CTDSP1: variants seen among roughly 807,000 people sequenced by gnomAD.
CTDSP1 encodes the protein CTD small phosphatase 1, also known as carboxy-terminal domain RNA polymerase II polypeptide A small phosphatase 1.
In CTDSP1, 15 loss-of-function variants were observed where a neutral mutation model predicts 32.5. The ratio of observed to expected loss-of-function variants is 0.46; its 90% confidence interval spans 0.31 to 0.71. The LOEUF (loss-of-function observed/expected upper bound fraction) is 0.71. CTDSP1 is among the 30% of genes least tolerant of loss of function. The pLI is 0.05. For missense variants in CTDSP1, 294 were observed against 351.1 expected (o/e 0.84, Z 1.30); for synonymous variants, 185 against 145.4 (o/e 1.27, Z -1.96).
At position 218,402,156 on chromosome 2, in the gene CTDSP1, T is replaced by A; in HGVS notation, c.262T>A (p.Ser88Thr). ...GCTCCCTGAGGCCAAGGCCCAGGACTCAGACAAGATCTGCGTGGTCATCGA... is the reference window on the plus strand; with the variant it reads ...GCTCCCTGAGGCCAAGGCCCAGGACACAGACAAGATCTGCGTGGTCATCGA... ...YLLPEAKAQD[S>T]DKICVVIDLD... Residue 88 changes from serine to threonine, a missense_variant, in exon 3 of 7, where the codon TCA becomes ACA. Coordinates refer to ENST00000273062, the MANE Select transcript of CTDSP1 (RefSeq NM_021198.3). The A allele has an allele frequency of 6.2e-7, 1 of 1,613,444 alleles. No homozygotes were observed. The highest frequency in any genetic ancestry group is 8.5e-7 in the Non-Finnish European group (1 of 1,179,826).
At chr2:218,400,958 G>C (rs1046904481) in intron 1 of CTDSP1, 1 of 440,920 alleles carries the variant, frequency 2.3e-6, no homozygotes, top group African/African-American at 2.1e-5. Flanking sequence ...GGAAAGGCTA[G>C]TTGCAGGGGG....
chr2:218,399,802 C>A, upstream of CTDSP1: 1 of 1,128,942 alleles, frequency 8.9e-7, no homozygotes, highest in Non-Finnish European at 1.1e-6. Flanking sequence ...CAGCCGAGTC[C>A]AGGTCACGCC....
chr2:218,404,383 C>A lies in CTDSP1; in HGVS notation c.744C>A (p.Asp248Glu). 1.2e-6 allele frequency: 2 copies of A among 1,614,124 alleles called. No individual in the cohort carries two copies. Among genetic ancestry groups the A allele is most frequent in the Non-Finnish European group, 1.7e-6 (2 of 1,180,002 alleles). ...TCTTCGAGCAACTCAGCCGTGTGGA[C>A]GACGTGTACTCAGTGCTCAGGCAGC... The part of the protein sequence containing the change: ...LPFFEQLSRV[D>E]DVYSVLRQPR... The change falls in exon 7 of 7, where the codon GAC becomes GAA. Residue 248 changes from aspartate (D) to glutamate (E), a missense_variant. Asp to Glu is a conservative substitution (Grantham distance 45). Around this residue, in one of 2 missense-constraint regions of CTDSP1, gnomAD observed 146 missense variants for 237.7 expected, o/e 0.61. Transcript: ENST00000273062.
chr2:218,398,766 T>C (rs1380725418), upstream of CTDSP1: 5 of 251,162 alleles, frequency 2.0e-5, no homozygotes, highest in East Asian at 3.8e-4. Context: ...TATTAATTTT[T>C]AAATGGTGAA....
At chr2:218,401,859 C>G (rs1190827815) in intron 2 of CTDSP1, 147 bp downstream of exon 2, 1 of 819,996 alleles carries the variant, frequency 1.2e-6, no homozygotes, top group African/African-American at 1.7e-5. Flanking sequence ...CCTGCCAGGC[C>G]CTGCCCACTG....
upstream of CTDSP1, among the ~76,000 whole-genome samples, chr2:218,397,774 T>C (rs3806554): frequency 7.4e-4 from 113 of 152,254 alleles, 3 homozygotes; most frequent in East Asian, 0.019. Flanking sequence ...CACGCAATCC[T>C]GGCCTCTCGC....
intron 2 of CTDSP1, 110 bp downstream of exon 2, chr2:218,401,822 G>T (rs1697159124): frequency 1.8e-6 from 2 of 1,110,346 alleles, no homozygotes; most frequent in Admixed American, 5.8e-5. Flanking sequence ...GACCTGAAAG[G>T]TGCAGAGTAG....
upstream of CTDSP1, chr2:218,398,547 C>G (rs887350441): frequency 5.6e-5 from 65 of 1,166,646 alleles, no homozygotes; most frequent in Non-Finnish European, 7.3e-5. Context: ...GCCGCGCCTT[C>G]TGGCAGACGC....
intron 6 of CTDSP1, chr2:218,403,767 T>C (rs1381063830): frequency 4.3e-6 from 1 of 229,888 alleles, no homozygotes; most frequent in African/African-American, 2.3e-5. Flanking sequence ...TGAAATAGAA[T>C]AGAAAATATC....
Position 218,405,523 on chromosome 2 carries a change from G to A in CTDSP1, c.*1098G>A, listed in dbSNP as rs904015783. 1.3e-5 allele frequency: 2 copies of A among 152,948 alleles called. No homozygotes were observed. The highest frequency in any genetic ancestry group is 2.9e-5 in the Non-Finnish European group (2 of 68,318). 9.5% of individuals were successfully genotyped at this position (152,948 alleles called of 1,614,324 possible). On this transcript the variant is annotated 3_prime_UTR_variant, in exon 7 of 7. Coordinates refer to ENST00000273062, the MANE Select transcript of CTDSP1 (RefSeq NM_021198.3). Reference sequence around the variant, plus strand: ...TGCCCATCCTTCACCGGTGCCTTTGGGGGATCTGTAGGAGGTGGGACCTTC... The same window carrying A: ...TGCCCATCCTTCACCGGTGCCTTTGAGGGATCTGTAGGAGGTGGGACCTTC...
At chr2:218,396,814 G>C (rs1696812905), upstream of CTDSP1, 1 of 152,600 alleles carries the variant, frequency 6.6e-6, no homozygotes. Context: ...TTGGCATTGA[G>C]TGCCAGTCCT....
chr2:218,399,144 G>A (rs1424957182), upstream of CTDSP1: 1 of 152,296 alleles, frequency 6.6e-6, no homozygotes, highest in Non-Finnish European at 1.5e-5. Context: ...GTGGAATTTG[G>A]CTACGCGAAA....
chr2:218,404,324 A>T lies in CTDSP1; in HGVS notation c.685A>T (p.Met229Leu). 1.2e-6 allele frequency: 2 copies of T among 1,614,092 alleles called. No individual in the cohort carries two copies. The highest frequency in any genetic ancestry group is 1.7e-6 in the Non-Finnish European group (2 of 1,180,002). The change falls in exon 7 of 7, where the codon ATG becomes TTG. Residue 229 changes from methionine to leucine, a missense_variant. Physicochemically the swap from Met to Leu is conservative, Grantham distance 15. Around this residue, in one of 2 missense-constraint regions of CTDSP1, gnomAD observed 146 missense variants for 237.7 expected, o/e 0.61. Coordinates refer to ENST00000273062, the MANE Select transcript of CTDSP1 (RefSeq NM_021198.3). ...AVPVASWFDNMSDTELHDLLP... is the reference protein window; with the variant it reads ...AVPVASWFDNLSDTELHDLLP... ...ACCGGTGGCCTCGTGGTTTGACAAC[A>T]TGAGTGACACAGAGCTCCACGACCT... is the stretch of plus-strand genomic sequence containing the variant.
At chr2:218,401,971 CAG>C (rs1697168042) in intron 2 of CTDSP1, 138 bp from the exon 3 acceptor site, 1 of 710,026 alleles carries the variant, frequency 1.4e-6, no homozygotes, top group African/African-American at 1.8e-5. Flanking sequence ...CTAGAGCTGG[CAG>C]GGGCAAAGCT....
At chr2:218,398,643 C>CGTCGCACCCGGCGGCCGGACGGGACAG, upstream of CTDSP1, 1 of 413,072 alleles carries the variant, frequency 2.4e-6, no homozygotes, top group Non-Finnish European at 4.2e-6. Flanking sequence ...ACGTGCGCCG[C>CGTCGCACCCGGCGGCCGGACGGGACAG]GTCGCACCCG....
intron 1 of CTDSP1, chr2:218,400,570 C>T (rs1189027084): frequency 2.7e-6 from 1 of 366,148 alleles, no homozygotes; most frequent in African/African-American, 2.2e-5. Context: ...GGGCTGCGGT[C>T]CGGTAGGGTC....
chr2:218,401,493 A>C, intron 1 of CTDSP1, 71 bp from the exon 2 acceptor site: 1 of 1,563,540 alleles, frequency 6.4e-7, no homozygotes, highest in Non-Finnish European at 8.7e-7. Context: ...AGGGGTTCAC[A>C]CCTGGGCACA....
chr2:218,404,265 C>A (rs765085061), intron 6 of CTDSP1, 32 bp from the exon 7 acceptor site: 2 of 1,607,952 alleles, frequency 1.2e-6, no homozygotes, highest in African/African-American at 1.3e-5. Context: ...GGACCACCTG[C>A]CCCCCTCATC....
At chr2:218,398,416 G>C (rs1235594377), upstream of CTDSP1, 7 of 1,535,372 alleles carry the variant, frequency 4.6e-6, no homozygotes, top group Non-Finnish European at 6.1e-6. Flanking sequence ...AAGCGCAATG[G>C]TGGCCGCCCC....
Sources: gnomAD v4.1 joint callset for allele counts (sites outside exome capture counted in the v4.1 genomes callset) on GRCh38, gnomAD v4.1.1 for gene constraint, gnomAD v4.1.1 regional missense constraint, MANE v1.5 for transcripts, NCBI Gene and HGNC (gene_info 2026-07-23, HGNC 2026-07-21) for gene names.